Variants in PHF24 observed in about 807,000 individuals in gnomAD.
The protein encoded by PHF24 is Galpha inhibitory interacting protein.
PHF24 carries 25 observed loss-of-function variants against 42.6 expected under a neutral mutation model. That is an observed-to-expected ratio of 0.59 (90% CI 0.43 to 0.82). The LOEUF (loss-of-function observed/expected upper bound fraction) is 0.82. PHF24 is among the 40% of genes least tolerant of loss of function. The pLI, the probability that PHF24 is intolerant of heterozygous loss-of-function variation, is 0.00. For missense variants in PHF24, 470 were observed against 538.1 expected, an observed-to-expected ratio of 0.87 and a Z score of 1.25; for synonymous variants, 185 against 204.8, an observed-to-expected ratio of 0.90 and a Z score of 0.83.
At chr9:34,719,723 G>A in the PHF24 span, among the ~76,000 whole-genome samples, 2 of 152,216 alleles carry the variant, frequency 1.3e-5, no homozygotes, top group Non-Finnish European at 2.9e-5. Context: ...TGATGCTGCT[G>A]TGACCCTCCT....
the PHF24 span, among the ~76,000 whole-genome samples, chr9:34,753,525 T>C: frequency 3.9e-5 from 6 of 152,126 alleles, no homozygotes; most frequent in Non-Finnish European, 8.8e-5. Context: ...TCCATGCTCA[T>C]GTATCGAAAA....
At chr9:34,906,561 T>TTG in the PHF24 span, among the ~76,000 whole-genome samples, 1 of 150,876 alleles carries the variant, frequency 6.6e-6, no homozygotes, top group African/African-American at 2.4e-5. Flanking sequence ...GGTGAATCGC[T>TTG]TGAACCCAGG....
At chr9:34,688,171 C>G in the PHF24 span, among the ~76,000 whole-genome samples, 2 of 152,240 alleles carry the variant, frequency 1.3e-5, no homozygotes, top group African/African-American at 4.8e-5. Flanking sequence ...CTTTTCAAGG[C>G]CTGCCCAGGC....
At chr9:34,899,974 C>A in the PHF24 span, among the ~76,000 whole-genome samples, 1 of 152,052 alleles carries the variant, frequency 6.6e-6, no homozygotes, top group Admixed American at 6.6e-5. Context: ...CAAAAATAAC[C>A]CTCAAGCAAG....
chr9:34,930,877 G>A, the PHF24 span, among the ~76,000 whole-genome samples: 10 of 152,320 alleles, frequency 6.6e-5, no homozygotes, highest in East Asian at 1.9e-3. Context: ...AACATATGTA[G>A]GCGATATGGT....
At chr9:34,889,813 T>A in the PHF24 span, among the ~76,000 whole-genome samples, 8 of 152,210 alleles carry the variant, frequency 5.3e-5, no homozygotes, top group African/African-American at 4.8e-5. Context: ...CTTCAAATAC[T>A]GTACTTGCAA....
chr9:34,742,071 GTTTCTCT>G, the PHF24 span, among the ~76,000 whole-genome samples: 1 of 152,048 alleles, frequency 6.6e-6, no homozygotes, highest in Non-Finnish European at 1.5e-5. Flanking sequence ...CATTTAATTT[GTTTCTCT>G]TCAAAATCAC....
the PHF24 span, among the ~76,000 whole-genome samples, chr9:34,836,518 G>A: frequency 3.3e-5 from 5 of 152,156 alleles, no homozygotes; most frequent in African/African-American, 1.2e-4. Context: ...ATGCATTCTG[G>A]GGGCTATGAG....
At chr9:34,890,939 A>G in the PHF24 span, among the ~76,000 whole-genome samples, 2 of 152,204 alleles carry the variant, frequency 1.3e-5, no homozygotes, top group Admixed American at 1.3e-4. Context: ...AGCATGGCCC[A>G]GGACTTACAC....
chr9:34,931,300 C>T, the PHF24 span, among the ~76,000 whole-genome samples: 5 of 146,630 alleles, frequency 3.4e-5, no homozygotes, highest in Non-Finnish European at 6.0e-5. Context: ...GGCATGAACC[C>T]GAGAGGCGGA....
At chr9:34,934,091 TA>T in the PHF24 span, among the ~76,000 whole-genome samples, 1 of 152,172 alleles carries the variant, frequency 6.6e-6, no homozygotes, top group South Asian at 2.1e-4. Flanking sequence ...TTCTTCATAG[TA>T]AAATTATTGA....
the PHF24 span, among the ~76,000 whole-genome samples, chr9:34,872,109 A>G: frequency 1.3e-5 from 2 of 152,074 alleles, no homozygotes; most frequent in African/African-American, 4.8e-5. Context: ...AAGATCTGGT[A>G]CATAGTTTGT....
At chr9:34,685,149 A>C in the PHF24 span, among the ~76,000 whole-genome samples, 1 of 150,644 alleles carries the variant, frequency 6.6e-6, no homozygotes, top group African/African-American at 2.4e-5. Context: ...GCCTGGCCCC[A>C]CTCCTTTCCA....
chr9:34,743,937 G>A, the PHF24 span, among the ~76,000 whole-genome samples: 2 of 152,220 alleles, frequency 1.3e-5, no homozygotes, highest in South Asian at 4.1e-4. Flanking sequence ...GAGTGCATGA[G>A]ACAAAGGGAG....
chr9:34,703,668 A>G, the PHF24 span, among the ~76,000 whole-genome samples: 1 of 150,794 alleles, frequency 6.6e-6, no homozygotes. Context: ...TACTTTGCCT[A>G]TGGAGTAACC....
the PHF24 span, among the ~76,000 whole-genome samples, chr9:34,763,036 T>A: frequency 6.6e-6 from 1 of 152,208 alleles, no homozygotes; most frequent in South Asian, 2.1e-4. Flanking sequence ...CTGAGGGCTC[T>A]GTTCTGTTCC....
chr9:34,821,966 G>A, the PHF24 span, among the ~76,000 whole-genome samples: 10 of 152,196 alleles, frequency 6.6e-5, no homozygotes, highest in East Asian at 1.7e-3. Context: ...TCTCCTAGTG[G>A]TTATGCTTCC....
the PHF24 span, among the ~76,000 whole-genome samples, chr9:34,782,613 G>T: frequency 1.3e-5 from 2 of 152,274 alleles, no homozygotes; most frequent in South Asian, 2.1e-4. Flanking sequence ...TTCCAACAGC[G>T]ATATAGACTA....
At chr9:34,724,695 A>G in the PHF24 span, 18 of 1,548,508 alleles carry the variant, frequency 1.2e-5, no homozygotes, top group African/African-American at 1.8e-4. Context: ...ACGTCTGTAC[A>G]ACTCTCATTG....
Sources: gnomAD v4.1 joint callset for allele counts (sites outside exome capture counted in the v4.1 genomes callset) on GRCh38, gnomAD v4.1.1 for gene constraint, MANE v1.5 for transcripts, NCBI Gene and HGNC (gene_info 2026-07-23, HGNC 2026-07-21) for gene names.